The following TCN1 variants were observed in gnomAD, a reference collection of about 807,000 sequenced individuals.
TCN1 encodes transcobalamin 1.
Under a neutral mutation model 46.3 loss-of-function variants are expected in TCN1, and 47 were observed. The ratio of observed to expected loss-of-function variants is 1.01; its 90% CI spans 0.80 to 1.29. The LOEUF (loss-of-function observed/expected upper bound fraction) is 1.29. Among genes scored for constraint, TCN1 ranks in the 50% most tolerant of loss-of-function variants. TCN1 has a pLI of 0.00. For missense variants in TCN1, 532 were observed against 511.0 expected (o/e 1.04, Z -0.40); for synonymous variants, 183 against 192.5 (o/e 0.95, Z 0.41).
intron 1 of TCN1, among the ~76,000 whole-genome samples, chr11:59,864,800 A>G (rs61903593): frequency 0.016 from 2,459 of 152,296 alleles, 36 homozygotes; most frequent in Middle Eastern, 0.024. Context: ...TAAACACAGG[A>G]CACTTTGTCA....
chr11:59,864,879 G>C (rs1042587492), intron 1 of TCN1, among the ~76,000 whole-genome samples: 5 of 152,168 alleles, frequency 3.3e-5, no homozygotes, highest in Non-Finnish European at 5.9e-5. Flanking sequence ...TAATGGATTA[G>C]TGGGAGAGTG....
chr11:59,854,840 C>T lies in TCN1; in HGVS notation c.938-5G>A. The T allele has an allele frequency of 6.2e-7, 1 of 1,613,792 alleles. No homozygotes were observed. On this transcript the variant is annotated splice_polypyrimidine_tract_variant and splice_region_variant and intron_variant, in intron 6 of 8. Coordinates refer to ENST00000257264, the MANE Select transcript of TCN1 (RefSeq NM_001062.4). The stretch of plus-strand genomic sequence containing the variant: ...CAGCGGAGATGTTGAAGTTACCTGG[C>T]AGAGACAGAAAAGCCCAGAGCAATA...
chr11:59,860,380 C>T (rs1590866632), intron 4 of TCN1, among the ~76,000 whole-genome samples: 2 of 151,858 alleles, frequency 1.3e-5, no homozygotes, highest in South Asian at 4.2e-4. Flanking sequence ...CCACCCGCCT[C>T]GGCCTCCCAA....
intron 4 of TCN1, among the ~76,000 whole-genome samples, chr11:59,861,208 A>G (rs182856862): frequency 9.2e-5 from 14 of 152,324 alleles, no homozygotes; most frequent in African/African-American, 3.4e-4. Flanking sequence ...TTTCTAAAAT[A>G]TTTCATGTGG....
Position 59,854,812 on chromosome 11 carries a change from C to T in TCN1, c.961G>A (p.Glu321Lys), listed in dbSNP as rs758341796. 6 of 1,613,984 alleles carry T rather than the reference C, an allele frequency of 3.7e-6. No individual in the cohort carries two copies. The East Asian group carries it at 6.7e-5, about 18-fold the overall frequency. Residue 321 changes from glutamate to lysine, a missense_variant, in exon 7 of 9, where the codon GAG becomes AAG. By Grantham distance (56) the Glu-to-Lys change is moderately conservative. Transcript: ENST00000257264. ...ASGNFNISAD[E>K]PITVTPPDSQ... ...TCAGGAGGTGTCACAGTTATAGGCT[C>T]ATCAGCGGAGATGTTGAAGTTACCT...
chr11:59,864,415 A>T, intron 1 of TCN1, among the ~76,000 whole-genome samples: 1 of 152,202 alleles, frequency 6.6e-6, no homozygotes, highest in African/African-American at 2.4e-5. Flanking sequence ...GTCCTTAAAG[A>T]AACTTCCATA....
chr11:59,854,299 TTCAC>T (rs755369803), intron 7 of TCN1, among the ~76,000 whole-genome samples: 1 of 151,444 alleles, frequency 6.6e-6, no homozygotes, highest in Non-Finnish European at 1.5e-5. Context: ...ATTCATTACA[TTCAC>T]TTGATTTTCA....
intron 3 of TCN1, 66 bp from the exon 4 acceptor site, chr11:59,861,748 A>C: frequency 1.3e-6 from 2 of 1,533,140 alleles, no homozygotes; most frequent in Non-Finnish European, 1.8e-6. Context: ...TTTTCCATCT[A>C]TTCCTACTTA....
intron 5 of TCN1, among the ~76,000 whole-genome samples, chr11:59,857,809 AC>A (rs1253323048): frequency 6.6e-6 from 1 of 151,878 alleles, no homozygotes; most frequent in Non-Finnish European, 1.5e-5. Flanking sequence ...TTTGAGAACA[AC>A]AGCCCAGGTC....
At position 59,853,111 on chromosome 11, in the gene TCN1, A is replaced by G; in HGVS notation, c.1241-75T>C. ...TCACCAAATAATGGATGTCATCTCT[A>G]CTAACCCCTTGGCCCAATCCCCACA... On this transcript the variant is annotated intron_variant, in intron 8 of 8. Coordinates refer to ENST00000257264, the MANE Select transcript of TCN1 (RefSeq NM_001062.4). 11 of 1,598,334 alleles carry G rather than the reference A, an allele frequency of 6.9e-6. No individual in the cohort carries two copies. In the South Asian group the frequency reaches 9.9e-5, roughly 14 times the overall value.
At chr11:59,858,216 G>T (rs1022164468) in intron 5 of TCN1, among the ~76,000 whole-genome samples, 12 of 152,116 alleles carry the variant, frequency 7.9e-5, no homozygotes, top group Non-Finnish European at 1.8e-4. Flanking sequence ...TCTGATAACC[G>T]GCTACTAAGT....
Position 59,861,541 on chromosome 11 carries a change from C to T in TCN1, c.542G>A (p.Ser181Asn), listed in dbSNP as rs145017990. The change falls in exon 4 of 9, where the codon AGC (serine) becomes AAC (asparagine). Residue 181 changes from serine (S) to asparagine (N), a missense_variant. Ser to Asn is a conservative substitution (Grantham distance 46). Coordinates refer to ENST00000257264, the MANE Select transcript of TCN1 (RefSeq NM_001062.4). ...TPENKNYYFGSQFSVDTGAMA... is the reference protein window; with the variant it reads ...TPENKNYYFGNQFSVDTGAMA... Reference sequence around the variant, plus strand: ...TAGTAACTCACCTACTGAGAACTGGCTACCAAAATAATAGTTTTTATTTTC... The same window carrying T: ...TAGTAACTCACCTACTGAGAACTGGTTACCAAAATAATAGTTTTTATTTTC... 43 of 1,613,924 alleles carry T rather than the reference C, an allele frequency of 2.7e-5. No homozygotes were observed. Among genetic ancestry groups the T allele is most frequent in the Non-Finnish European group, 3.6e-5 (42 of 1,179,964 alleles).
Position 59,852,810 on chromosome 11 carries a change from T to C in TCN1, c.*165A>G, listed in dbSNP as rs1025492053. On this transcript the variant is annotated 3_prime_UTR_variant, in exon 9 of 9. Transcript: ENST00000257264. The stretch of plus-strand genomic sequence containing the variant: ...CTAATTAGAACATGCTCTTTTTGTA[T>C]AGTTGTTAATCTTTCAACAACTTTT... The C allele has an allele frequency of 8.1e-6, 6 of 737,462 alleles. No homozygotes were observed. Among genetic ancestry groups the C allele is most frequent in the South Asian group, 7.4e-5 (5 of 67,530 alleles). The allele number at this position is 737,462 out of a possible 1,614,324, so 45.7% of individuals were successfully genotyped here.
intron 3 of TCN1, among the ~76,000 whole-genome samples, chr11:59,861,935 A>C (rs1030571904): frequency 6.6e-6 from 1 of 152,172 alleles, no homozygotes. Flanking sequence ...TGCTATCTAG[A>C]TATTCAGATG....
At chr11:59,855,035 G>A (rs749138220) in intron 6 of TCN1, among the ~76,000 whole-genome samples, 200 bp from the exon 7 acceptor site, 1 of 152,188 alleles carries the variant, frequency 6.6e-6, no homozygotes, top group Non-Finnish European at 1.5e-5. Flanking sequence ...TCACCAGCTT[G>A]TGAATGTTGG....
chr11:59,866,464 G>A lies in TCN1; in HGVS notation c.7C>T (p.Gln3Ter). The change falls in exon 1 of 9, where the codon CAG becomes TAG. Residue 3 changes from glutamine (Q) to a stop codon, truncating the protein, a stop_gained. Transcript: ENST00000257264. LOFTEE classifies it high-confidence loss of function. The part of the protein sequence containing the change: MR[Q>*]SHQLPLVGLL... ...CCCACTAGGGGCAGCTGGTGTGACTGTCTCATCTCTCCAACAGTGTACCAG... is the reference window on the plus strand; with the variant it reads ...CCCACTAGGGGCAGCTGGTGTGACTATCTCATCTCTCCAACAGTGTACCAG... 1 of 1,613,412 alleles carries A rather than the reference G, an allele frequency of 6.2e-7. No individual in the cohort carries two copies. The highest frequency in any genetic ancestry group is 8.5e-7 in the Non-Finnish European group (1 of 1,179,416).
rs1025272553 is a variant in TCN1 at position 59,854,584 on chromosome 11, A to G, written c.1121+68T>C. On this transcript the variant is annotated intron_variant, in intron 7 of 8. Coordinates refer to ENST00000257264, the MANE Select transcript of TCN1 (RefSeq NM_001062.4). Reference sequence around the variant, plus strand: ...TAAATATACTTTGTATTTAGGTGCAAATGCATTCTTACTGCATCTTTAGAA... The same window carrying G: ...TAAATATACTTTGTATTTAGGTGCAGATGCATTCTTACTGCATCTTTAGAA... 3.2e-5 allele frequency: 49 copies of G among 1,513,664 alleles called. No individual in the cohort carries two copies. In the South Asian group the frequency reaches 4.4e-4, roughly 14 times the overall value. 93.8% of individuals were successfully genotyped at this position (1,513,664 alleles called of 1,614,324 possible). A position where few individuals can be genotyped will look rare whatever the true frequency, so the allele number is the denominator to read the frequency against.
chr11:59,861,711 A>G (rs758230520), intron 3 of TCN1, 29 bp from the exon 4 acceptor site: 5 of 1,610,690 alleles, frequency 3.1e-6, no homozygotes, highest in Non-Finnish European at 4.2e-6. Context: ...ACCTCCCTTA[A>G]TCATGGAAGT....
intron 2 of TCN1, 55 bp downstream of exon 2, chr11:59,863,852 A>T: frequency 6.2e-7 from 1 of 1,600,298 alleles, no homozygotes; most frequent in Non-Finnish European, 8.6e-7. Flanking sequence ...AGTTGCAGAT[A>T]ATCTTTAAAT....
Sources: gnomAD v4.1 joint callset for allele counts (sites outside exome capture counted in the v4.1 genomes callset) on GRCh38, gnomAD v4.1.1 for gene constraint, MANE v1.5 for transcripts, NCBI Gene and HGNC (gene_info 2026-07-23, HGNC 2026-07-21) for gene names.